The following MDGA2 variants were observed in gnomAD, a reference collection of about 807,000 sequenced individuals.
MDGA2 encodes the protein MAM domain containing glycosylphosphatidylinositol anchor 2.
Under a neutral mutation model 117.8 loss-of-function variants are expected in MDGA2, and 40 were observed. That is an observed-to-expected ratio of 0.34 (90% confidence interval 0.26 to 0.44). MDGA2 has a LOEUF of 0.44. Ranked by LOEUF, MDGA2 falls within the 20% of genes least tolerant of loss-of-function variation. The pLI is 1.00. For missense variants in MDGA2, 1,123 were observed against 1,250.6 expected (o/e 0.90, Z 1.54); for synonymous variants, 452 against 439.0 (o/e 1.03, Z -0.37).
At chr14:47,225,085 T>A (rs1304060777) in intron 2 of MDGA2, among the ~76,000 whole-genome samples, 1 of 152,164 alleles carries the variant, frequency 6.6e-6, no homozygotes, top group Non-Finnish European at 1.5e-5. Context: ...ACCTTAACAT[T>A]TCTCTGCAAA....
chr14:47,042,595 G>T (rs1197474894), intron 7 of MDGA2, among the ~76,000 whole-genome samples: 1 of 152,098 alleles, frequency 6.6e-6, no homozygotes, highest in Non-Finnish European at 1.5e-5. Context: ...CATGAGACAT[G>T]CACATGGATA....
chr14:46,873,168 G>A (rs1882083589), intron 14 of MDGA2, among the ~76,000 whole-genome samples: 1 of 151,930 alleles, frequency 6.6e-6, no homozygotes. Context: ...ATGAGACCTG[G>A]TAAAGAATTT....
At chr14:47,227,945 T>C (rs1886565113) in intron 2 of MDGA2, among the ~76,000 whole-genome samples, 1 of 152,098 alleles carries the variant, frequency 6.6e-6, no homozygotes, top group Non-Finnish European at 1.5e-5. Context: ...GCCTTTCCCT[T>C]GAATCCCAGA....
rs17118840 is a variant in MDGA2 at position 47,517,655 on chromosome 14, G to C, written c.280+156862C>G. 6.6e-3 allele frequency among the ~76,000 whole-genome samples: 1,009 copies of C among 152,082 alleles called. 15 individuals are homozygous for C. Among genetic ancestry groups the C allele is most frequent in the African/African-American group, 0.023 (968 of 41,480 alleles). Reference sequence around the variant, plus strand: ...CCATGCAATCAACTCAATGAACTTGGGCAGCTCATAGACACCTCTGTCCTT... The same window carrying C: ...CCATGCAATCAACTCAATGAACTTGCGCAGCTCATAGACACCTCTGTCCTT... On this transcript the variant is annotated intron_variant, in intron 1 of 16. Transcript: ENST00000399232.
At chr14:47,458,456 G>A (rs917466695) in intron 1 of MDGA2, among the ~76,000 whole-genome samples, 2 of 152,094 alleles carry the variant, frequency 1.3e-5, no homozygotes, top group African/African-American at 2.4e-5. Context: ...GTTGATTTTT[G>A]TGTATGGTGA....
intron 1 of MDGA2, among the ~76,000 whole-genome samples, chr14:47,435,242 T>A (rs1027183497): frequency 6.6e-6 from 1 of 152,164 alleles, no homozygotes; most frequent in Non-Finnish European, 1.5e-5. Flanking sequence ...GTATCACTCA[T>A]GAGAAAGAGC....
intron 1 of MDGA2, among the ~76,000 whole-genome samples, chr14:47,553,953 T>C (rs1168279558): frequency 6.6e-6 from 1 of 152,142 alleles, no homozygotes; most frequent in Non-Finnish European, 1.5e-5. Context: ...AAAACAGCAG[T>C]TCTATGTATT....
At chr14:46,919,407 C>A (rs1014334668) in intron 10 of MDGA2, among the ~76,000 whole-genome samples, 4 of 152,192 alleles carry the variant, frequency 2.6e-5, no homozygotes, top group South Asian at 2.1e-4. Flanking sequence ...TCAAAAATAT[C>A]ATTTAAACAA....
chr14:47,236,198 A>G (rs1043334147), intron 2 of MDGA2, among the ~76,000 whole-genome samples: 4 of 151,058 alleles, frequency 2.6e-5, no homozygotes, highest in African/African-American at 4.9e-5. Context: ...GGCTGAGGCA[A>G]GAGAATGGCG....
intron 1 of MDGA2, among the ~76,000 whole-genome samples, chr14:47,471,220 C>G (rs1893721198): frequency 6.8e-6 from 1 of 146,636 alleles, no homozygotes; most frequent in Admixed American, 6.9e-5. Flanking sequence ...CATGAGCATT[C>G]TTCTGTTCTT....
chr14:47,195,974 C>G (rs1255615472), intron 3 of MDGA2, among the ~76,000 whole-genome samples: 1 of 151,960 alleles, frequency 6.6e-6, no homozygotes. Context: ...CCTATTTTGG[C>G]ACTTAGTCCA....
At chr14:46,994,049 A>C (rs1887194070) in intron 8 of MDGA2, among the ~76,000 whole-genome samples, 2 of 152,138 alleles carry the variant, frequency 1.3e-5, no homozygotes, top group Non-Finnish European at 2.9e-5. Flanking sequence ...ACCTGAGTTC[A>C]ACCACGGGGT....
chr14:47,458,968 C>A (rs920802743), intron 1 of MDGA2, among the ~76,000 whole-genome samples: 3 of 149,966 alleles, frequency 2.0e-5, no homozygotes, highest in Admixed American at 6.7e-5. Flanking sequence ...GGTATATTTT[C>A]TTCTGCCCTT....
intron 5 of MDGA2, among the ~76,000 whole-genome samples, chr14:47,112,852 C>T (rs1342321366): frequency 6.6e-6 from 1 of 152,162 alleles, no homozygotes; most frequent in African/African-American, 2.4e-5. Context: ...AATTTACATT[C>T]CCACCAACAG....
intron 1 of MDGA2, among the ~76,000 whole-genome samples, chr14:47,654,438 G>A (rs533751954): frequency 1.6e-4 from 24 of 152,062 alleles, no homozygotes; most frequent in African/African-American, 5.8e-4. Context: ...TCCTCTGCTG[G>A]CCAACTGGCT....
In MDGA2 at chr14:46,873,954, C is replaced by A. The variant is rs552749496; in HGVS notation, c.2593+91G>T. ...ATTTAATATTTTATTCCATAATCTTCAAATATATGGCTAAATATTAGTATT... is the reference window on the plus strand; with the variant it reads ...ATTTAATATTTTATTCCATAATCTTAAAATATATGGCTAAATATTAGTATT... On this transcript the variant is annotated intron_variant, in intron 13 of 16. Coordinates refer to ENST00000399232, the MANE Select transcript of MDGA2 (RefSeq NM_001113498.3). 112 of 1,085,714 alleles carry A rather than the reference C, an allele frequency of 1.0e-4. No homozygotes were observed. The East Asian group carries it at 3.0e-3, about 29-fold the overall frequency. 67.3% of individuals were successfully genotyped at this position (1,085,714 alleles called of 1,614,324 possible).
intron 1 of MDGA2, among the ~76,000 whole-genome samples, chr14:47,653,570 G>A (rs146409978): frequency 1.3e-5 from 2 of 152,152 alleles, no homozygotes; most frequent in Admixed American, 6.6e-5. Context: ...ACCAAACCTC[G>A]CCAAAAGAAG....
At chr14:47,612,458 C>G (rs1332250954) in intron 1 of MDGA2, among the ~76,000 whole-genome samples, 1 of 152,056 alleles carries the variant, frequency 6.6e-6, no homozygotes, top group Non-Finnish European at 1.5e-5. Context: ...ACAACAATAA[C>G]AAAAACTTGA....
At chr14:47,448,244 C>G (rs10132192) in intron 1 of MDGA2, among the ~76,000 whole-genome samples, 151,963 of 152,106 alleles carry the variant, frequency 1, 75,910 homozygotes, top group Middle Eastern at 1. Context: ...TCCACCTCCT[C>G]GGTTCAAGCA....
Sources: gnomAD v4.1 joint callset for allele counts (sites outside exome capture counted in the v4.1 genomes callset) on GRCh38, gnomAD v4.1.1 for gene constraint, MANE v1.5 for transcripts, NCBI Gene and HGNC (gene_info 2026-07-23, HGNC 2026-07-21) for gene names.